SLC16A7: variants seen among roughly 807,000 people sequenced by gnomAD.
SLC16A7 encodes the protein solute carrier family 16 member 7, also known as monocarboxylate transporter 2.
SLC16A7 carries 33 observed loss-of-function variants against 34.9 expected under a neutral mutation model. The ratio of observed to expected loss-of-function variants is 0.94; its 90% CI spans 0.72 to 1.26. SLC16A7 has a LOEUF of 1.26. Ranked by LOEUF, SLC16A7 falls within the 50% of genes most tolerant of loss-of-function variation. The pLI, the probability that SLC16A7 is intolerant of heterozygous loss-of-function variation, is 0.00. For synonymous variants in SLC16A7, 201 were observed against 206.6 expected, an observed-to-expected ratio of 0.97 and a Z score of 0.23; for missense variants, 573 against 578.1, an observed-to-expected ratio of 0.99 and a Z score of 0.09.
At chr12:59,706,136 C>G (rs945425229) in intron 3 of SLC16A7, among the ~76,000 whole-genome samples, 4 of 152,084 alleles carry the variant, frequency 2.6e-5, no homozygotes, top group African/African-American at 4.8e-5. Context: ...CATTTAACAC[C>G]TGTGGTCTCT....
At chr12:59,602,318 C>T (rs1438803574) in intron 1 of SLC16A7, among the ~76,000 whole-genome samples, 1 of 151,954 alleles carries the variant, frequency 6.6e-6, no homozygotes, top group African/African-American at 2.4e-5. Context: ...TGTTAATAAC[C>T]TTTGGCAGTA....
chr12:59,678,153 C>T (rs1467574864), intron 2 of SLC16A7, among the ~76,000 whole-genome samples: 1 of 152,220 alleles, frequency 6.6e-6, no homozygotes, highest in Non-Finnish European at 1.5e-5. Context: ...GGTCTGGGCT[C>T]CCTGAAGGGC....
chr12:59,613,577 C>T (rs1879300598), intron 1 of SLC16A7, among the ~76,000 whole-genome samples: 1 of 152,126 alleles, frequency 6.6e-6, no homozygotes, highest in Non-Finnish European at 1.5e-5. Context: ...GAATCTGATC[C>T]ATGCATTGGC....
At chr12:59,642,353 G>A (rs1880723364) in intron 1 of SLC16A7, among the ~76,000 whole-genome samples, 1 of 151,932 alleles carries the variant, frequency 6.6e-6, no homozygotes, top group South Asian at 2.1e-4. Flanking sequence ...AGGGTGGTTA[G>A]ATATCCGTTC....
intron 1 of SLC16A7, among the ~76,000 whole-genome samples, chr12:59,623,878 T>C (rs1879808334): frequency 6.6e-6 from 1 of 151,616 alleles, no homozygotes; most frequent in Non-Finnish European, 1.5e-5. Flanking sequence ...TGTGATTTAT[T>C]ATAGATTTCA....
intron 2 of SLC16A7, among the ~76,000 whole-genome samples, chr12:59,671,809 GTATA>G (rs201856693): frequency 1.5e-5 from 2 of 135,418 alleles, no homozygotes; most frequent in Non-Finnish European, 3.1e-5. Flanking sequence ...GTATATATGT[GTATA>G]TATATGTGTA....
At chr12:59,629,119 T>G (rs1046333684) in intron 1 of SLC16A7, among the ~76,000 whole-genome samples, 2 of 151,838 alleles carry the variant, frequency 1.3e-5, no homozygotes, top group African/African-American at 4.8e-5. Flanking sequence ...GCCAGCAAGT[T>G]CTCTGATCTC....
At chr12:59,609,261 A>C (rs1879083329) in intron 1 of SLC16A7, among the ~76,000 whole-genome samples, 1 of 152,232 alleles carries the variant, frequency 6.6e-6, no homozygotes, top group Non-Finnish European at 1.5e-5. Flanking sequence ...AAGAACATAC[A>C]GTGTCCTGGG....
rs182627523 is a variant in SLC16A7, at chr12:59,645,952, T to G, written c.-129-9200T>G. On this transcript the variant is annotated intron_variant, in intron 1 of 5. Coordinates refer to ENST00000547379, the MANE Select transcript of SLC16A7 (RefSeq NM_001270623.2). ...AAAGAGACCAGCAGCATTTTGCCCCTGCTGTAGAGATTTGTGGAATTTGAC... is the reference window on the plus strand; with the variant it reads ...AAAGAGACCAGCAGCATTTTGCCCCGGCTGTAGAGATTTGTGGAATTTGAC... Among the ~76,000 whole-genome samples the G allele has an allele frequency of 3.5e-3, 540 of 152,280 alleles. 5 individuals carry two copies. The highest frequency in any genetic ancestry group is 0.01 in the Admixed American group (158 of 15,284).
chr12:59,706,736 A>G (rs891753141), intron 3 of SLC16A7, among the ~76,000 whole-genome samples: 1 of 152,118 alleles, frequency 6.6e-6, no homozygotes, highest in Non-Finnish European at 1.5e-5. Context: ...TTTCAGCTCC[A>G]AAACGTGCTA....
At chr12:59,677,623 G>A (rs968006312) in intron 2 of SLC16A7, among the ~76,000 whole-genome samples, 1 of 152,070 alleles carries the variant, frequency 6.6e-6, no homozygotes, top group African/African-American at 2.4e-5. Flanking sequence ...CTACTGTTTT[G>A]TCATGGCTTT....
chr12:59,687,037 C>A (rs1030137655), intron 2 of SLC16A7, among the ~76,000 whole-genome samples: 1 of 151,612 alleles, frequency 6.6e-6, no homozygotes, highest in Non-Finnish European at 1.5e-5. Flanking sequence ...CATTTTACAT[C>A]ATAAATATAT....
intron 3 of SLC16A7, among the ~76,000 whole-genome samples, chr12:59,768,877 G>A (rs1367388435): frequency 6.6e-6 from 1 of 152,000 alleles, no homozygotes; most frequent in Non-Finnish European, 1.5e-5. Context: ...GCACACACCT[G>A]TGGTCCCAGC....
At chr12:59,730,386 A>G (rs993728720) in intron 3 of SLC16A7, among the ~76,000 whole-genome samples, 1 of 151,556 alleles carries the variant, frequency 6.6e-6, no homozygotes, top group Non-Finnish European at 1.5e-5. Context: ...TCCTAAAATG[A>G]TGACCTACTG....
At position 59,784,596 on chromosome 12, in the gene SLC16A7, C is replaced by T. The variant is rs1883486751; in HGVS notation, c.*4917C>T. On this transcript the variant is annotated 3_prime_UTR_variant, in exon 6 of 6. Transcript: ENST00000547379. Reference sequence around the variant, plus strand: ...TCTGAACATCTTTGTTGTCATTCACCTCTTTGTCTATTTGTTCTGTAGAGA... The same window carrying T: ...TCTGAACATCTTTGTTGTCATTCACTTCTTTGTCTATTTGTTCTGTAGAGA... 6.6e-6 allele frequency: 1 copy of T among 152,072 alleles called. No homozygotes were observed. Among genetic ancestry groups the T allele is most frequent in the African/African-American group, 2.4e-5 (1 of 41,400 alleles). The allele number at this position is 152,072 out of a possible 1,614,324, so 9.4% of individuals were successfully genotyped here. A position where few individuals can be genotyped will look rare whatever the true frequency, so the allele number is the denominator to read the frequency against.
chr12:59,738,023 G>A (rs938743560), intron 3 of SLC16A7, among the ~76,000 whole-genome samples: 2 of 152,098 alleles, frequency 1.3e-5, no homozygotes, highest in Non-Finnish European at 2.9e-5. Flanking sequence ...TTGTTTATAA[G>A]ATTTATATTA....
intron 3 of SLC16A7, among the ~76,000 whole-genome samples, chr12:59,762,496 C>G (rs1163913350): frequency 1.3e-5 from 2 of 152,198 alleles, no homozygotes; most frequent in East Asian, 3.9e-4. Context: ...TATCCACTGA[C>G]TGCAAATTGT....
chr12:59,714,858 C>T lies in SLC16A7; in HGVS notation c.217+9840C>T, dbSNP rs530242482. 1.8e-4 allele frequency among the ~76,000 whole-genome samples: 27 copies of T among 152,234 alleles called. No homozygotes were observed. In the South Asian group the frequency reaches 4.4e-3, roughly 25 times the overall value. ...GGGATTACAGGCATGAGCCAACATG[C>T]CCGGCCTCTCTCTCTTCTTATAAGG... On this transcript the variant is annotated intron_variant, in intron 3 of 5. Transcript: ENST00000547379.
intron 2 of SLC16A7, among the ~76,000 whole-genome samples, chr12:59,698,948 A>T (rs973340660): frequency 5.9e-5 from 9 of 151,750 alleles, no homozygotes; most frequent in Non-Finnish European, 1.2e-4. Flanking sequence ...TAATTTTGAT[A>T]TAACTTAAAA....
Sources: gnomAD v4.1 joint callset for allele counts (sites outside exome capture counted in the v4.1 genomes callset) on GRCh38, gnomAD v4.1.1 for gene constraint, MANE v1.5 for transcripts, NCBI Gene and HGNC (gene_info 2026-07-23, HGNC 2026-07-21) for gene names.